Variants in APBB2 observed in about 807,000 individuals in gnomAD.
APBB2 encodes Fe65-like 1.
A neutral mutation model predicts 82.5 loss-of-function variants in APBB2; 38 were observed. That is an observed-to-expected ratio of 0.46 (90% CI 0.36 to 0.60). APBB2 has a LOEUF of 0.60. APBB2 is among the 20% of genes least tolerant of loss of function. The pLI is 0.00. For synonymous variants in APBB2, 341 were observed against 368.2 expected, an observed-to-expected ratio of 0.93 and a Z score of 0.85; for missense variants, 772 against 972.3, an observed-to-expected ratio of 0.79 and a Z score of 2.74.
chr4:40,850,582 T>C (rs1296069374), intron 12 of APBB2, among the ~76,000 whole-genome samples: 1 of 152,210 alleles, frequency 6.6e-6, no homozygotes, highest in Non-Finnish European at 1.5e-5. Context: ...TCAGACTGTT[T>C]TGTGAATGAA....
intron 12 of APBB2, among the ~76,000 whole-genome samples, chr4:40,835,161 A>C (rs1753451997): frequency 6.6e-6 from 1 of 151,950 alleles, no homozygotes; most frequent in African/African-American, 2.4e-5. Flanking sequence ...CTGTAGTCCC[A>C]GCTACTCAGG....
chr4:41,160,520 G>A (rs888640481), intron 1 of APBB2, among the ~76,000 whole-genome samples: 2 of 152,156 alleles, frequency 1.3e-5, no homozygotes, highest in African/African-American at 4.8e-5. Context: ...CCAGGTTCAA[G>A]ATACGGCTCC....
chr4:40,892,228 G>A (rs1029568633), intron 11 of APBB2, among the ~76,000 whole-genome samples: 1 of 152,202 alleles, frequency 6.6e-6, no homozygotes, highest in Admixed American at 6.5e-5. Context: ...TGGGATTACA[G>A]GCATAAGCCA....
intron 12 of APBB2, chr4:40,857,174 G>GCCTCCCTGCGC (rs578206276): frequency 2.0e-5 from 20 of 985,330 alleles, no homozygotes; most frequent in Non-Finnish European, 2.3e-5. Flanking sequence ...CGGCGCCCGC[G>GCCTCCCTGCGC]CCTCCCTGCG....
intron 1 of APBB2, among the ~76,000 whole-genome samples, chr4:41,210,481 T>G (rs1215389009): frequency 2.6e-5 from 4 of 152,156 alleles, no homozygotes; most frequent in Non-Finnish European, 2.9e-5. Flanking sequence ...GGAGAGTCTG[T>G]TACTCTGCCT....
Position 41,010,539 on chromosome 4 carries a change from G to A in APBB2, c.835+3044C>T, listed in dbSNP as rs542868448. Among the ~76,000 whole-genome samples the A allele has an allele frequency of 1.6e-4, 24 of 152,144 alleles. 1 individual carries two copies. The highest frequency in any genetic ancestry group is 1.4e-3 in the Admixed American group (22 of 15,270). Reference sequence around the variant, plus strand: ...GTCTTCCTGGAAAGAGGGAGTTAACGTGTACATTTCAAGAGTCCCAGTAGG... The same window carrying A: ...GTCTTCCTGGAAAGAGGGAGTTAACATGTACATTTCAAGAGTCCCAGTAGG... On this transcript the variant is annotated intron_variant, in intron 6 of 17. Coordinates refer to ENST00000508593, the MANE Select transcript of APBB2 (RefSeq NM_004307.2).
intron 4 of APBB2, among the ~76,000 whole-genome samples, chr4:41,036,623 T>C (rs1428023729): frequency 6.6e-6 from 1 of 152,166 alleles, no homozygotes; most frequent in South Asian, 2.1e-4. Context: ...ATAACTTAGG[T>C]GTAAGAGAAA....
chr4:40,986,091 A>C (rs1398516883), intron 6 of APBB2, among the ~76,000 whole-genome samples: 1 of 152,206 alleles, frequency 6.6e-6, no homozygotes, highest in African/African-American at 2.4e-5. Context: ...CCACACAAGA[A>C]AGCCAAAAAC....
chr4:41,209,134 G>A (rs1227886904), intron 1 of APBB2, among the ~76,000 whole-genome samples: 1 of 152,040 alleles, frequency 6.6e-6, no homozygotes, highest in African/African-American at 2.4e-5. Flanking sequence ...CCTAACAGGG[G>A]TCCAGGAACC....
chr4:41,206,546 G>C (rs1207947763), intron 1 of APBB2, among the ~76,000 whole-genome samples: 1 of 152,208 alleles, frequency 6.6e-6, no homozygotes, highest in Non-Finnish European at 1.5e-5. Flanking sequence ...CTTGGTTCTT[G>C]GAGAGGACAA....
intron 5 of APBB2, among the ~76,000 whole-genome samples, chr4:41,027,397 AT>A: frequency 8.8e-6 from 1 of 113,196 alleles, no homozygotes; most frequent in East Asian, 3.1e-4. Context: ...ATATATATAT[AT>A]ATATATAACA....
At chr4:41,132,078 T>C (rs969929282) in intron 2 of APBB2, among the ~76,000 whole-genome samples, 5 of 138,226 alleles carry the variant, frequency 3.6e-5, no homozygotes, top group African/African-American at 1.3e-4. Context: ...AAAGTAAAAA[T>C]AAAACTTCAA....
intron 15 of APBB2, 24 bp from the exon 16 acceptor site, chr4:40,823,783 A>G (rs778884165): frequency 7.2e-6 from 11 of 1,519,164 alleles, no homozygotes; most frequent in East Asian, 4.5e-5. Context: ...AGGATAATTT[A>G]AAGTGTCCTA....
chr4:41,033,181 A>C, intron 5 of APBB2, 55 bp downstream of exon 5: 2 of 1,096,430 alleles, frequency 1.8e-6, no homozygotes, highest in Non-Finnish European at 2.8e-6. Context: ...ATCTTTTTTT[A>C]AGTTTTAATA....
chr4:40,849,180 T>C (rs966764465), intron 12 of APBB2, among the ~76,000 whole-genome samples: 1 of 152,220 alleles, frequency 6.6e-6, no homozygotes, highest in Non-Finnish European at 1.5e-5. Context: ...ACAGCGCTTT[T>C]AAAATGACTT....
chr4:41,139,603 A>G (rs937221263), intron 2 of APBB2, among the ~76,000 whole-genome samples: 2 of 152,204 alleles, frequency 1.3e-5, no homozygotes, highest in African/African-American at 4.8e-5. Flanking sequence ...AAAATGAACT[A>G]TCAATTCATG....
At chr4:41,016,143 T>C (rs147102948) in intron 5 of APBB2, among the ~76,000 whole-genome samples, 5,191 of 152,258 alleles carry the variant, frequency 0.034, 128 homozygotes, top group Middle Eastern at 0.071. Flanking sequence ...AGAGTGAGAT[T>C]ATGAGAAAGT....
rs755474586 is a variant in APBB2, at chr4:40,823,775, G to A, written c.1817-16C>T. The stretch of plus-strand genomic sequence containing the variant: ...ATATCCATTCCTGGGGACAGAAAAG[G>A]ATAATTTAAAGTGTCCTAAAGCCAC... On this transcript the variant is annotated splice_polypyrimidine_tract_variant and intron_variant, in intron 15 of 17. Transcript: ENST00000508593. The A allele has an allele frequency of 1.3e-6, 2 of 1,587,124 alleles. No individual in the cohort carries two copies. The highest frequency in any genetic ancestry group is 1.7e-6 in the Non-Finnish European group (2 of 1,159,498).
chr4:41,207,397 A>G (rs1458606388), intron 1 of APBB2, among the ~76,000 whole-genome samples: 2 of 152,112 alleles, frequency 1.3e-5, no homozygotes, highest in African/African-American at 4.8e-5. Flanking sequence ...CAAGCTGGCT[A>G]TTACACAATT....
Sources: gnomAD v4.1 joint callset for allele counts (sites outside exome capture counted in the v4.1 genomes callset) on GRCh38, gnomAD v4.1.1 for gene constraint, MANE v1.5 for transcripts, NCBI Gene and HGNC (gene_info 2026-07-23, HGNC 2026-07-21) for gene names.